POR: variants seen among roughly 807,000 people sequenced by gnomAD.
POR encodes the protein cytochrome p450 oxidoreductase, also known as NADPH--cytochrome P450 reductase.
In POR, 56 loss-of-function variants were observed where a neutral mutation model predicts 84.0. The ratio of observed to expected loss-of-function variants is 0.67; its 90% confidence interval spans 0.54 to 0.83. The LOEUF (loss-of-function observed/expected upper bound fraction) is 0.83, where lower values mean the gene tolerates loss of function less well. Among genes scored for constraint, POR ranks in the 40% least tolerant of loss-of-function variants. The pLI, the probability that POR is intolerant of heterozygous loss-of-function variation, is 0.00. For missense variants in POR, 938 were observed against 944.3 expected (o/e 0.99, Z 0.09); for synonymous variants, 414 against 400.5 (o/e 1.03, Z -0.40).
At chr7:75,930,861 C>T (rs560495988) in intron 1 of POR, among the ~76,000 whole-genome samples, 31 of 151,876 alleles carry the variant, frequency 2.0e-4, no homozygotes, top group Non-Finnish European at 3.7e-4. Context: ...CTTGCTCTGT[C>T]ACCCAGGCTG....
At chr7:75,924,065 A>C (rs1167917786) in intron 1 of POR, among the ~76,000 whole-genome samples, 1 of 152,040 alleles carries the variant, frequency 6.6e-6, no homozygotes, top group African/African-American at 2.4e-5. Flanking sequence ...CCTAGGGTTT[A>C]ATGTTGGTGA....
chr7:75,979,758 G>C lies in POR; in HGVS notation c.366+179G>C, dbSNP rs1788902555. The C allele has an allele frequency of 6.1e-6, 5 of 826,162 alleles. No homozygotes were observed. The South Asian group carries it at 9.1e-5, about 15-fold the overall frequency. 51.2% of individuals were successfully genotyped at this position (826,162 alleles called of 1,614,324 possible). On this transcript the variant is annotated intron_variant, in intron 4 of 15. Coordinates refer to ENST00000461988, the MANE Select transcript of POR (RefSeq NM_000941.3). ...CCCTGCCCGGGCTGACTGACGGAAGGGCCATTCCTGCAGTTGCAGCCACGT... is the reference window on the plus strand; with the variant it reads ...CCCTGCCCGGGCTGACTGACGGAAGCGCCATTCCTGCAGTTGCAGCCACGT...
At chr7:75,975,901 T>C (rs1244869675) in intron 3 of POR, among the ~76,000 whole-genome samples, 1 of 142,598 alleles carries the variant, frequency 7.0e-6, no homozygotes, top group Non-Finnish European at 1.5e-5. Context: ...GTCCTCCTGG[T>C]GTGGCCTCCC....
chr7:75,970,320 C>G (rs940836541), intron 2 of POR, among the ~76,000 whole-genome samples: 2 of 151,872 alleles, frequency 1.3e-5, no homozygotes, highest in African/African-American at 2.4e-5. Context: ...TACAGGGTCT[C>G]CCTCTGTCTC....
At chr7:75,971,903 T>C (rs1788460600) in intron 2 of POR, among the ~76,000 whole-genome samples, 1 of 151,892 alleles carries the variant, frequency 6.6e-6, no homozygotes, top group South Asian at 2.1e-4. Flanking sequence ...GGAGACAGAC[T>C]CTGAGGGGAC....
intron 1 of POR, chr7:75,947,285 T>C (rs1383618894): frequency 2.6e-5 from 4 of 152,346 alleles, no homozygotes; most frequent in African/African-American, 9.6e-5. Context: ...TGTTAATTGA[T>C]TGATTGATTG....
intron 3 of POR, among the ~76,000 whole-genome samples, chr7:75,973,304 A>T (rs1490407752): frequency 2.6e-5 from 4 of 151,930 alleles, no homozygotes; most frequent in Non-Finnish European, 5.9e-5. Flanking sequence ...TCTTATTTTT[A>T]ATTTAAAAAA....
At chr7:75,966,700 C>T (rs142486967) in intron 2 of POR, among the ~76,000 whole-genome samples, 3 of 152,300 alleles carry the variant, frequency 2.0e-5, no homozygotes, top group African/African-American at 4.8e-5. Flanking sequence ...TGTTCCTCAG[C>T]GTCGCCTGTG....
chr7:75,919,408 T>TGC, intron 1 of POR, among the ~76,000 whole-genome samples: 1 of 151,966 alleles, frequency 6.6e-6, no homozygotes, highest in Non-Finnish European at 1.5e-5. Context: ...TGTGTGTGTG[T>TGC]ATGCATATAA....
chr7:75,972,508 G>A (rs1199364577), intron 3 of POR, 47 bp downstream of exon 3: 16 of 1,514,382 alleles, frequency 1.1e-5, no homozygotes, highest in African/African-American at 2.7e-5. Flanking sequence ...CCTCGGCCCC[G>A]ATGGGCATGT....
intron 1 of POR, among the ~76,000 whole-genome samples, chr7:75,927,875 T>A (rs782768611): frequency 5.3e-5 from 8 of 151,684 alleles, no homozygotes; most frequent in Non-Finnish European, 1.2e-4. Context: ...TTCACCATGT[T>A]GGCTAGACTG....
chr7:75,944,205 T>G (rs782360832), intron 1 of POR, among the ~76,000 whole-genome samples: 3 of 152,232 alleles, frequency 2.0e-5, no homozygotes, highest in Non-Finnish European at 2.9e-5. Context: ...CTTCCTTCCC[T>G]ATAAGCAGGT....
chr7:75,981,543 G>A lies in POR; in HGVS notation c.668G>A (p.Arg223Gln), dbSNP rs1228748461. The A allele has an allele frequency of 5.6e-6, 9 of 1,613,046 alleles. No individual in the cohort carries two copies. Among genetic ancestry groups the A allele is most frequent in the Admixed American group, 1.7e-5 (1 of 59,948 alleles). Residue 223 changes from arginine to glutamine, a missense_variant, in exon 7 of 16, where the codon CGA becomes CAA. Coordinates refer to ENST00000461988, the MANE Select transcript of POR (RefSeq NM_000941.3). ...TTGGAGGAGGACTTCATCACCTGGCGAGAGCAGTTCTGGCCGGCCGTGTGT... is the reference window on the plus strand; with the variant it reads ...TTGGAGGAGGACTTCATCACCTGGCAAGAGCAGTTCTGGCCGGCCGTGTGT...
Position 75,945,575 on chromosome 7 carries a change from G to T in POR, c.-4-8414G>T, listed in dbSNP as rs558489912. 3.7e-4 allele frequency among the ~76,000 whole-genome samples: 56 copies of T among 152,170 alleles called. 1 individual carries two copies. In the South Asian group the frequency reaches 0.011, roughly 31 times the overall value. On this transcript the variant is annotated intron_variant, in intron 1 of 15. Transcript: ENST00000461988. ...CAGTCCCTGTGGGTTGCGCTGTCAG[G>T]CAACAGTAGGGTATGGTTCCATGAG...
At chr7:75,918,318 C>T (rs549898482) in intron 1 of POR, among the ~76,000 whole-genome samples, 7 of 152,126 alleles carry the variant, frequency 4.6e-5, no homozygotes, top group African/African-American at 1.7e-4. Flanking sequence ...AAAAAAAAAC[C>T]CAAAAAACAA....
chr7:75,970,718 C>T (rs1169723114), intron 2 of POR, among the ~76,000 whole-genome samples: 2 of 149,458 alleles, frequency 1.3e-5, no homozygotes, highest in Non-Finnish European at 3.0e-5. Context: ...CACTGCACTC[C>T]AGCCTGGGCG....
At chr7:75,984,251 C>T (rs1210165650) in intron 10 of POR, among the ~76,000 whole-genome samples, 1 of 152,182 alleles carries the variant, frequency 6.6e-6, no homozygotes, top group South Asian at 2.1e-4. Context: ...TCCCAGGCCC[C>T]CAAGGGTGCA....
intron 1 of POR, among the ~76,000 whole-genome samples, chr7:75,937,185 G>A (rs1283959714): frequency 6.6e-6 from 1 of 151,220 alleles, no homozygotes; most frequent in African/African-American, 2.4e-5. Context: ...GCTAGGCTTG[G>A]TGGCTCATGC....
chr7:75,917,380 C>CT lies in POR; in HGVS notation c.-5+2203dup, dbSNP rs199962786. On this transcript the variant is annotated intron_variant, in intron 1 of 15. Coordinates refer to ENST00000461988, the MANE Select transcript of POR (RefSeq NM_000941.3). Reference sequence around the variant, plus strand: ...ACCGTTCCTGGCTTTCTTATTTCTTCTTCTTTTTTTTTTTTTTTTTTCTGA... The same window carrying CT: ...ACCGTTCCTGGCTTTCTTATTTCTTCTTTCTTTTTTTTTTTTTTTTTTCTGA... Among the ~76,000 whole-genome samples, 598 of 125,952 alleles carry CT rather than the reference C, an allele frequency of 4.7e-3. 23 individuals are homozygous for CT. The highest frequency in any genetic ancestry group is 0.016 in the Admixed American group (207 of 13,276). The allele number at this position is 125,952 out of a possible 152,430, so 82.6% of individuals were successfully genotyped here.
Sources: allele counts gnomAD v4.1 joint callset (sites outside exome capture counted in the v4.1 genomes callset), GRCh38; gene constraint gnomAD v4.1.1; transcripts MANE v1.5; gene names NCBI Gene and HGNC (gene_info 2026-07-23, HGNC 2026-07-21).